The following ARHGAP15 variants were observed in gnomAD, a reference collection of about 807,000 sequenced individuals.
ARHGAP15 encodes the protein rho GTPase-activating protein 15.
ARHGAP15 carries 51 observed loss-of-function variants against 63.7 expected under a neutral mutation model. The observed-to-expected ratio is 0.80, with a 90% CI of 0.64 to 1.01. The LOEUF (loss-of-function observed/expected upper bound fraction) is 1.01. ARHGAP15 is among the 50% of genes least tolerant of loss of function. The pLI, the probability that ARHGAP15 is intolerant of heterozygous loss-of-function variation, is 0.00. For synonymous variants in ARHGAP15, 191 were observed against 193.8 expected (o/e 0.99, Z 0.12); for missense variants, 560 against 564.6 (o/e 0.99, Z 0.08).
At chr2:143,638,893 A>G (rs1680474114) in intron 12 of ARHGAP15, among the ~76,000 whole-genome samples, 1 of 151,976 alleles carries the variant, frequency 6.6e-6, no homozygotes, top group African/African-American at 2.4e-5. Flanking sequence ...ACATATAGCC[A>G]ATTGCTATGT....
chr2:143,172,413 C>T (rs1323723090), intron 2 of ARHGAP15, among the ~76,000 whole-genome samples: 2 of 152,028 alleles, frequency 1.3e-5, no homozygotes, highest in African/African-American at 4.8e-5. Context: ...ATTTTAAGCA[C>T]ATAAGTCTCT....
intron 6 of ARHGAP15, among the ~76,000 whole-genome samples, chr2:143,409,419 A>C (rs1014888027): frequency 1.3e-5 from 2 of 152,090 alleles, no homozygotes; most frequent in Admixed American, 6.5e-5. Flanking sequence ...TTAATTCCGC[A>C]AGGGAATATC....
At chr2:143,377,088 C>T (rs185693693) in intron 6 of ARHGAP15, among the ~76,000 whole-genome samples, 33 of 152,100 alleles carry the variant, frequency 2.2e-4, no homozygotes, top group African/African-American at 7.9e-4. Context: ...ATATGGACTG[C>T]TTTCCCCAAC....
intron 9 of ARHGAP15, among the ~76,000 whole-genome samples, chr2:143,491,929 T>G (rs1692599025): frequency 6.6e-6 from 1 of 152,200 alleles, no homozygotes; most frequent in South Asian, 2.1e-4. Context: ...TCACCCAGGC[T>G]GGAGTGCTGT....
chr2:143,680,898 A>T (rs1402076598), intron 12 of ARHGAP15, among the ~76,000 whole-genome samples: 1 of 152,220 alleles, frequency 6.6e-6, no homozygotes, highest in East Asian at 1.9e-4. Context: ...CAAAAGACAG[A>T]TTACTACCTT....
intron 10 of ARHGAP15, among the ~76,000 whole-genome samples, chr2:143,539,678 A>G (rs931368542): frequency 2.6e-5 from 4 of 152,194 alleles, no homozygotes; most frequent in East Asian, 1.9e-4. Context: ...GTTTCCATGT[A>G]GTTGAGCAGT....
intron 1 of ARHGAP15, among the ~76,000 whole-genome samples, chr2:143,144,095 C>A (rs1279401446): frequency 6.6e-6 from 1 of 152,008 alleles, no homozygotes; most frequent in Middle Eastern, 3.2e-3. Flanking sequence ...AGGACATGAT[C>A]TCATTCTTGT....
chr2:143,403,647 A>G (rs750618363), intron 6 of ARHGAP15, among the ~76,000 whole-genome samples: 1 of 151,944 alleles, frequency 6.6e-6, no homozygotes, highest in Non-Finnish European at 1.5e-5. Flanking sequence ...TGGAAGAAAT[A>G]TATGCGTGAG....
intron 6 of ARHGAP15, among the ~76,000 whole-genome samples, chr2:143,322,735 C>T (rs10209358): frequency 0.13 from 19,275 of 152,150 alleles, 1,597 homozygotes; most frequent in Non-Finnish European, 0.16. Flanking sequence ...TGTTTGTTTA[C>T]TTCCCGTCTG....
chr2:143,227,701 T>G (rs1176045308), intron 4 of ARHGAP15, among the ~76,000 whole-genome samples: 1 of 152,190 alleles, frequency 6.6e-6, no homozygotes, highest in East Asian at 1.9e-4. Context: ...TAGGGTTCAT[T>G]ATTCCATTAT....
At chr2:143,629,377 TG>T (rs1375356246) in intron 12 of ARHGAP15, among the ~76,000 whole-genome samples, 1 of 152,174 alleles carries the variant, frequency 6.6e-6, no homozygotes, top group African/African-American at 2.4e-5. Flanking sequence ...GGTTATTTCA[TG>T]GGGATTTAAC....
At chr2:143,703,322 G>T in intron 12 of ARHGAP15, 97 bp from the exon 13 acceptor site, 1 of 806,432 alleles carries the variant, frequency 1.2e-6, no homozygotes, top group Non-Finnish European at 1.9e-6. Context: ...TTAGTTGCTA[G>T]TCTCAGTCCA....
intron 6 of ARHGAP15, among the ~76,000 whole-genome samples, chr2:143,392,959 G>C (rs1339814096): frequency 6.6e-6 from 1 of 152,084 alleles, no homozygotes; most frequent in Non-Finnish European, 1.5e-5. Context: ...AAAATACAGA[G>C]TATATGTTAA....
At chr2:143,462,321 T>C (rs1201426161) in intron 8 of ARHGAP15, among the ~76,000 whole-genome samples, 1 of 152,126 alleles carries the variant, frequency 6.6e-6, no homozygotes, top group Non-Finnish European at 1.5e-5. Context: ...AGTTTGCCTC[T>C]ACAAAAATGA....
intron 12 of ARHGAP15, among the ~76,000 whole-genome samples, chr2:143,669,218 A>G (rs890492925): frequency 6.6e-6 from 1 of 152,164 alleles, no homozygotes; most frequent in African/African-American, 2.4e-5. Context: ...GGTATAGAAA[A>G]CTTATTTACC....
chr2:143,759,789 C>G (rs533181709), intron 13 of ARHGAP15, among the ~76,000 whole-genome samples: 1 of 152,012 alleles, frequency 6.6e-6, no homozygotes, highest in Non-Finnish European at 1.5e-5. Flanking sequence ...GTCTAATACA[C>G]GTAGCACTTC....
chr2:143,440,984 G>A (rs140411783), intron 8 of ARHGAP15, among the ~76,000 whole-genome samples: 1 of 152,248 alleles, frequency 6.6e-6, no homozygotes, highest in East Asian at 1.9e-4. Flanking sequence ...ACTTTTCTGA[G>A]CTTTACTTTC....
chr2:143,767,362 C>A (rs986172378), intron 13 of ARHGAP15, among the ~76,000 whole-genome samples: 7 of 152,116 alleles, frequency 4.6e-5, no homozygotes, highest in African/African-American at 1.7e-4. Context: ...ATATTTGATT[C>A]CAATGGGGCT....
intron 4 of ARHGAP15, among the ~76,000 whole-genome samples, chr2:143,224,385 A>C (rs1693122299): frequency 6.6e-6 from 1 of 151,848 alleles, no homozygotes; most frequent in Admixed American, 6.6e-5. Flanking sequence ...AAGGCCATAT[A>C]CTCTTTTACT....
Sources: allele counts gnomAD v4.1 joint callset (sites outside exome capture counted in the v4.1 genomes callset), GRCh38; gene constraint gnomAD v4.1.1; transcripts MANE v1.5; gene names NCBI Gene and HGNC (gene_info 2026-07-23, HGNC 2026-07-21).